The following HMCN2 variants were observed in gnomAD, a reference collection of about 807,000 sequenced individuals.
HMCN2 encodes hemicentin-2.
A neutral mutation model predicts 377.5 loss-of-function variants in HMCN2; 325 were observed. The ratio of observed to expected loss-of-function variants is 0.86; its 90% CI spans 0.79 to 0.94. HMCN2 has a LOEUF of 0.94. Ranked by LOEUF, HMCN2 falls within the 40% of genes least tolerant of loss-of-function variation. The pLI is 0.00. For synonymous variants in HMCN2, 2,007 were observed against 2,046.8 expected (o/e 0.98, Z 0.53); for missense variants, 4,543 against 4,725.3 (o/e 0.96, Z 1.13).
intron 85 of HMCN2, among the ~76,000 whole-genome samples, chr9:130,415,141 A>G (rs10793980): frequency 0.63 from 95,714 of 152,024 alleles, 30,865 homozygotes; most frequent in East Asian, 0.83. Flanking sequence ...ACTCTCATCT[A>G]GCAGAAGTGA....
At chr9:130,407,994 A>G (rs1198124808) in intron 83 of HMCN2, among the ~76,000 whole-genome samples, 1 of 152,198 alleles carries the variant, frequency 6.6e-6, no homozygotes, top group East Asian at 1.9e-4. Context: ...CTACAGCACT[A>G]CCTGCAGCTG....
At chr9:130,392,734 A>T (rs186578493) in intron 66 of HMCN2, among the ~76,000 whole-genome samples, 103 of 142,610 alleles carry the variant, frequency 7.2e-4, no homozygotes, top group Non-Finnish European at 1.3e-3. Context: ...GCGGTGGCTC[A>T]CGCCTGTAAT....
chr9:130,313,774 C>CTTTTTTT (rs1215426849), intron 15 of HMCN2, among the ~76,000 whole-genome samples: 14 of 81,560 alleles, frequency 1.7e-4, no homozygotes, highest in South Asian at 1.0e-3. Flanking sequence ...TGTGTGTCCT[C>CTTTTTTT]TTTTTTTTTT....
rs1844930408 is a variant in HMCN2 at position 130,433,923 on chromosome 9, AGGCAG to A, written c.*234_*238del. 3 of 448,928 alleles carry A rather than the reference AGGCAG, an allele frequency of 6.7e-6. No individual in the cohort carries two copies. The highest frequency in any genetic ancestry group is 1.2e-5 in the Non-Finnish European group (3 of 257,634). 27.8% of individuals were successfully genotyped at this position (448,928 alleles called of 1,614,324 possible). A position where few individuals can be genotyped will look rare whatever the true frequency, so the allele number is the denominator to read the frequency against. On this transcript the variant is annotated 3_prime_UTR_variant, in exon 98 of 98. Transcript: ENST00000683500. The stretch of plus-strand genomic sequence containing the variant: ...GCGGCCCTTGGGTGGCCAGTCCCGC[AGGCAG>A]GGCCCGGGGAAGCCCGGATCAGACC...
intron 1 of HMCN2, among the ~76,000 whole-genome samples, chr9:130,277,119 G>A (rs543276675): frequency 4.0e-4 from 61 of 152,248 alleles, no homozygotes; most frequent in Non-Finnish European, 6.6e-4. Context: ...CCACCCATGC[G>A]TGCTCCTCAC....
In HMCN2 at chr9:130,312,752, A is replaced by G. The variant is rs1420980323; in HGVS notation, c.2350+2691A>G. Among the ~76,000 whole-genome samples, 11 of 148,242 alleles carry G rather than the reference A, an allele frequency of 7.4e-5. 1 individual carries two copies. The highest frequency in any genetic ancestry group is 2.0e-4 in the African/African-American group (8 of 40,048). ...GCAATCTCGGCTCACTGCAACCTCTACCTCCTAGGTTCAAGTGATTCTCCC... is the reference window on the plus strand; with the variant it reads ...GCAATCTCGGCTCACTGCAACCTCTGCCTCCTAGGTTCAAGTGATTCTCCC... On this transcript the variant is annotated intron_variant, in intron 15 of 97. Coordinates refer to ENST00000683500, the MANE Select transcript of HMCN2 (RefSeq NM_001291815.2).
At chr9:130,356,710 A>G (rs529815471) in intron 34 of HMCN2, among the ~76,000 whole-genome samples, 137 of 152,240 alleles carry the variant, frequency 9.0e-4, no homozygotes, top group African/African-American at 3.2e-3. Context: ...CAGCCTCTCA[A>G]TGCCTTAGCC....
chr9:130,309,044 T>G (rs915530274), intron 14 of HMCN2, among the ~76,000 whole-genome samples: 1 of 152,266 alleles, frequency 6.6e-6, no homozygotes, highest in African/African-American at 2.4e-5. Flanking sequence ...ACAGTGTGAA[T>G]GCACTGGATG....
chr9:130,278,852 A>AT (rs1249763909), intron 1 of HMCN2, among the ~76,000 whole-genome samples: 5 of 149,858 alleles, frequency 3.3e-5, no homozygotes, highest in Non-Finnish European at 7.4e-5. Context: ...AAGTGCTGGG[A>AT]TTACAGGCGT....
chr9:130,379,487 A>G lies in HMCN2; in HGVS notation c.8431+20A>G, dbSNP rs1369536738. ...TGCAAGGTGGGTCAGGGGTGCGTGA[A>G]GAAAGTGGGCGCTTTGAGCTCTCCT... is the stretch of plus-strand genomic sequence containing the variant. On this transcript the variant is annotated intron_variant, in intron 54 of 97. Coordinates refer to ENST00000683500, the MANE Select transcript of HMCN2 (RefSeq NM_001291815.2). 1 of 979,776 alleles carries G rather than the reference A, an allele frequency of 1.0e-6. No individual in the cohort carries two copies. The highest frequency in any genetic ancestry group is 1.1e-4 in the East Asian group (1 of 8,802). 60.7% of individuals were successfully genotyped at this position (979,776 alleles called of 1,614,324 possible).
intron 80 of HMCN2, among the ~76,000 whole-genome samples, chr9:130,404,256 T>G (rs1842983404): frequency 6.6e-6 from 1 of 152,218 alleles, no homozygotes; most frequent in Admixed American, 6.5e-5. Flanking sequence ...ATATTCAGTA[T>G]GGGCCGGTCA....
chr9:130,425,994 T>G (rs1323608644), intron 90 of HMCN2, 70 bp downstream of exon 90: 2 of 1,169,500 alleles, frequency 1.7e-6, no homozygotes. Flanking sequence ...CAAATGCACG[T>G]GGCTGGAATC....
intron 43 of HMCN2, among the ~76,000 whole-genome samples, chr9:130,366,467 ATTTTTTTTTTT>A (rs71499234): frequency 1.2e-4 from 10 of 82,982 alleles, no homozygotes; most frequent in Admixed American, 3.7e-4. Context: ...CACTTCACCA[ATTTTTTTTTTT>A]TTTTTTTTTT....
intron 86 of HMCN2, among the ~76,000 whole-genome samples, chr9:130,419,750 A>G (rs914010789): frequency 3.3e-5 from 5 of 152,126 alleles, no homozygotes; most frequent in African/African-American, 1.2e-4. Flanking sequence ...TGTCCCTGGC[A>G]GACATCACTA....
At position 130,354,809 on chromosome 9, in the gene HMCN2, G is replaced by T. The variant is rs1158268171; in HGVS notation, c.4911G>T (p.Lys1637Asn). The change falls in exon 32 of 98, where the codon AAG (lysine) becomes AAT (asparagine). Residue 1637 changes from lysine to asparagine, a missense_variant. Lys to Asn is a moderately conservative substitution (Grantham distance 94). Transcript: ENST00000683500. ...CCGGTGGAAGACCATACGTGGTGAAGGCTGTGGCTGGGAGGCCTGTGGCGC... is the reference window on the plus strand; with the variant it reads ...CCGGTGGAAGACCATACGTGGTGAATGCTGTGGCTGGGAGGCCTGTGGCGC... ...EGAGGRPYVVKAVAGRPVALE... is the reference protein window; with the variant it reads ...EGAGGRPYVVNAVAGRPVALE... 1 of 1,304,180 alleles carries T rather than the reference G, an allele frequency of 7.7e-7. No homozygotes were observed. The highest frequency in any genetic ancestry group is 1.0e-6 in the Non-Finnish European group (1 of 988,884). 80.8% of individuals were successfully genotyped at this position (1,304,180 alleles called of 1,614,324 possible).
At position 130,296,699 on chromosome 9, in the gene HMCN2, T is replaced by A. The variant is rs1554932267; in HGVS notation, c.917T>A (p.Val306Glu). The change falls in exon 7 of 98, where the codon GTG (valine) becomes GAG (glutamate). Residue 306 changes from valine (V) to glutamate (E), a missense_variant. Transcript: ENST00000683500. Reference protein sequence around the residue: ...IKVYSSGRHSVRITGVSNIDF... With the variant: ...IKVYSSGRHSERITGVSNIDF... Reference sequence around the variant, plus strand: ...GTCTATAGCAGTGGCCGCCATTCAGTGAGGATCACAGGCGTCAGCAACATT... The same window carrying A: ...GTCTATAGCAGTGGCCGCCATTCAGAGAGGATCACAGGCGTCAGCAACATT... The A allele has an allele frequency of 2.1e-6, 1 of 471,126 alleles. No individual in the cohort carries two copies. The highest frequency in any genetic ancestry group is 4.4e-6 in the Non-Finnish European group (1 of 227,048). 29.2% of individuals were successfully genotyped at this position (471,126 alleles called of 1,614,324 possible).
In HMCN2 at chr9:130,322,940, C is replaced by T. The variant is rs1007405794; in HGVS notation, c.2920+1009C>T. Among the ~76,000 whole-genome samples, 497 of 152,292 alleles carry T rather than the reference C, an allele frequency of 3.3e-3. 1 individual carries two copies. The highest frequency in any genetic ancestry group is 4.4e-3 in the Non-Finnish European group (301 of 68,022). ...GCCCCCAAGGGATTAGTGGGAAGAA[C>T]GCGCGTTCCCCATTTTATAGGGGAG... On this transcript the variant is annotated intron_variant, in intron 19 of 97. Coordinates refer to ENST00000683500, the MANE Select transcript of HMCN2 (RefSeq NM_001291815.2).
rs1838098015 is a variant in HMCN2, at chr9:130,325,726, CGAGAGGA to C, written c.3033+20_3033+26del. The stretch of plus-strand genomic sequence containing the variant: ...GACCAAGGTAAGCAGTGCCTGTTAC[CGAGAGGA>C]TAACTGGAGAGGTAGGCCCAGTGTG... On this transcript the variant is annotated intron_variant, in intron 20 of 97. Transcript: ENST00000683500. 1 of 152,254 alleles carries C rather than the reference CGAGAGGA, an allele frequency of 6.6e-6. No individual in the cohort carries two copies. The highest frequency in any genetic ancestry group is 2.4e-5 in the African/African-American group (1 of 41,454). 9.4% of individuals were successfully genotyped at this position (152,254 alleles called of 1,614,324 possible). A position where few individuals can be genotyped will look rare whatever the true frequency, so the allele number is the denominator to read the frequency against.
intron 73 of HMCN2, 53 bp downstream of exon 73, chr9:130,396,366 G>C (rs942131590): frequency 4.1e-6 from 5 of 1,229,038 alleles, no homozygotes; most frequent in Non-Finnish European, 1.1e-6. Flanking sequence ...CCACTTTGTG[G>C]GTTGCAAATC....
Sources: allele counts gnomAD v4.1 joint callset (sites outside exome capture counted in the v4.1 genomes callset), GRCh38; gene constraint gnomAD v4.1.1; transcripts MANE v1.5; gene names NCBI Gene and HGNC (gene_info 2026-07-23, HGNC 2026-07-21).